SVEP1: variants seen among roughly 807,000 people sequenced by gnomAD.
The protein encoded by SVEP1 is sushi, von Willebrand factor type A, EGF and pentraxin domain-containing protein 1.
In SVEP1, 164 loss-of-function variants were observed where a neutral mutation model predicts 367.3. The ratio of observed to expected loss-of-function variants is 0.45; its 90% CI spans 0.39 to 0.51. The LOEUF (loss-of-function observed/expected upper bound fraction) is 0.51, where lower values mean the gene tolerates loss of function less well. Among genes scored for constraint, SVEP1 ranks in the 20% least tolerant of loss-of-function variants. The pLI, the probability that SVEP1 is intolerant of heterozygous loss-of-function variation, is 0.00. For synonymous variants in SVEP1, 1,666 were observed against 1,611.6 expected, an observed-to-expected ratio of 1.03 and a Z score of -0.81; for missense variants, 4,117 against 4,425.3, an observed-to-expected ratio of 0.93 and a Z score of 1.98.
In SVEP1 at chr9:110,496,825, G is replaced by C. The variant is rs1256485486; in HGVS notation, c.1790C>G (p.Ser597Cys). The change falls in exon 8 of 48, where the codon TCT (serine) becomes TGT (cysteine). Residue 597 changes from serine (S) to cysteine (C), a missense_variant. Ser to Cys is a moderately radical substitution (Grantham distance 112, BLOSUM62 -1). Coordinates refer to ENST00000374469, the MANE Select transcript of SVEP1 (RefSeq NM_153366.4). ...TTGCACAAACCTTACCTTTTCACCA[G>C]AGTTGTCTTTAGCTGTTGGAATCTG... ...TWQIPTAKDN[S>C]GEKVSVHVHP... The C allele has an allele frequency of 1.3e-6, 2 of 1,554,578 alleles. No homozygotes were observed. Among genetic ancestry groups the C allele is most frequent in the Middle Eastern group, 1.7e-4 (1 of 5,984 alleles).
chr9:110,395,777 G>A (rs1384543260), intron 40 of SVEP1, among the ~76,000 whole-genome samples: 1 of 151,816 alleles, frequency 6.6e-6, no homozygotes, highest in Non-Finnish European at 1.5e-5. Flanking sequence ...TAATGGTAAA[G>A]GGATCAATTC....
chr9:110,572,311 A>G (rs1830574016), intron 1 of SVEP1, among the ~76,000 whole-genome samples: 1 of 152,220 alleles, frequency 6.6e-6, no homozygotes, highest in South Asian at 2.1e-4. Flanking sequence ...AGGACAAAGC[A>G]GTTGGCTCTC....
chr9:110,466,151 G>T, intron 17 of SVEP1, 125 bp from the exon 18 acceptor site: 1 of 990,058 alleles, frequency 1.0e-6, no homozygotes, highest in East Asian at 2.6e-5. Flanking sequence ...GACCCAGAGA[G>T]CTCTTTCTCC....
Position 110,431,956 on chromosome 9 carries a change from G to A in SVEP1, c.5312C>T (p.Ser1771Leu). The A allele has an allele frequency of 6.2e-7, 1 of 1,613,654 alleles. No individual in the cohort carries two copies. Among genetic ancestry groups the A allele is most frequent in the Non-Finnish European group, 8.5e-7 (1 of 1,179,696 alleles). Reference protein sequence around the residue: ...CLNVDGSYICSCVPPYTGDGK... With the variant: ...CLNVDGSYICLCVPPYTGDGK... Reference sequence around the variant, plus strand: ...ATCTCCTGTGTACGGTGGGACACATGAACATATGTAGGATCCATCTACGTT... The same window carrying A: ...ATCTCCTGTGTACGGTGGGACACATAAACATATGTAGGATCCATCTACGTT... Residue 1771 changes from serine (S) to leucine (L), a missense_variant, in exon 32 of 48, where the codon TCA (serine) becomes TTA (leucine). By Grantham distance (145) the Ser-to-Leu change is moderately radical (BLOSUM62 -2). This residue lies in a region of SVEP1 where 2,174 missense variants were observed against 2,494.3 expected (regional missense o/e 0.87). Coordinates refer to ENST00000374469, the MANE Select transcript of SVEP1 (RefSeq NM_153366.4).
chr9:110,572,068 C>T (rs1830569571), intron 1 of SVEP1, among the ~76,000 whole-genome samples: 1 of 152,120 alleles, frequency 6.6e-6, no homozygotes, highest in Admixed American at 6.5e-5. Flanking sequence ...CCCTACTTCT[C>T]CTTAGCTTTT....
intron 30 of SVEP1, among the ~76,000 whole-genome samples, chr9:110,433,298 C>G (rs934902565): frequency 2.7e-4 from 37 of 138,848 alleles, no homozygotes; most frequent in Non-Finnish European, 1.1e-4. Context: ...GCTGGAGTTA[C>G]AGCAGTGAGC....
chr9:110,557,789 C>T (rs1830373289), intron 1 of SVEP1, among the ~76,000 whole-genome samples: 1 of 152,044 alleles, frequency 6.6e-6, no homozygotes, highest in South Asian at 2.1e-4. Flanking sequence ...TGATAACCCA[C>T]CCAAATGATC....
intron 47 of SVEP1, 44 bp downstream of exon 47, chr9:110,369,877 TAG>T (rs1416519740): frequency 1.3e-6 from 2 of 1,517,724 alleles, no homozygotes; most frequent in Non-Finnish European, 1.8e-6. Context: ...ACTTGAATTT[TAG>T]AGTCTTCATG....
chr9:110,427,302 CAAAAAAAAAAA>C (rs61616981), intron 36 of SVEP1, among the ~76,000 whole-genome samples: 2 of 81,936 alleles, frequency 2.4e-5, no homozygotes, highest in African/African-American at 9.4e-5. Context: ...GACTCTGTCT[CAAAAAAAAAAA>C]AAAAAAAAAA....
chr9:110,506,244 G>A (rs1829625194), intron 5 of SVEP1, among the ~76,000 whole-genome samples: 1 of 152,136 alleles, frequency 6.6e-6, no homozygotes, highest in Non-Finnish European at 1.5e-5. Flanking sequence ...TTGGTTCCAA[G>A]TCTTTGCTAT....
chr9:110,391,775 C>T (rs1827659128), intron 40 of SVEP1, among the ~76,000 whole-genome samples: 1 of 152,098 alleles, frequency 6.6e-6, no homozygotes, highest in African/African-American at 2.4e-5. Context: ...CCAGCTTAAA[C>T]ACTGCTTCTG....
intron 7 of SVEP1, among the ~76,000 whole-genome samples, chr9:110,498,769 A>G (rs1434428466): frequency 6.6e-6 from 1 of 152,056 alleles, no homozygotes; most frequent in African/African-American, 2.4e-5. Context: ...AGACTTCCCT[A>G]AAGATTTTAG....
At chr9:110,465,433 G>C (rs910272713) in intron 18 of SVEP1, among the ~76,000 whole-genome samples, 2 of 152,154 alleles carry the variant, frequency 1.3e-5, no homozygotes, top group Non-Finnish European at 2.9e-5. Context: ...CTGCCTGACT[G>C]AATAACTACT....
chr9:110,412,562 A>G (rs1245996637), intron 36 of SVEP1, among the ~76,000 whole-genome samples: 3 of 152,088 alleles, frequency 2.0e-5, no homozygotes, highest in Non-Finnish European at 4.4e-5. Context: ...ATTAAACTAA[A>G]GAGCTTCTGC....
At chr9:110,430,789 CCA>C (rs925163675) in intron 32 of SVEP1, among the ~76,000 whole-genome samples, 7 of 152,160 alleles carry the variant, frequency 4.6e-5, no homozygotes, top group Middle Eastern at 3.4e-3. Flanking sequence ...CTCTTCATAC[CCA>C]GTTTTTCAGA....
Position 110,385,898 on chromosome 9 carries a change from T to C in SVEP1, c.10237A>G (p.Lys3413Glu). The change falls in exon 43 of 48, where the codon AAA becomes GAA. Residue 3413 changes from lysine (K) to glutamate (E), a missense_variant and splice_region_variant. This residue lies in a region of SVEP1 where 1,765 missense variants were observed against 1,781.1 expected (regional missense o/e 0.99). Transcript: ENST00000374469. ...AACTGGCTTCCGCCTGCTGACTTAC[T>C]TTCACATTTGGCGCTTGTCTGTGTC... ...TWTQTSAKCE[K>E]ISCGPPAHVE... 4 of 1,611,838 alleles carry C rather than the reference T, an allele frequency of 2.5e-6. No homozygotes were observed. Among genetic ancestry groups the C allele is most frequent in the Non-Finnish European group, 3.4e-6 (4 of 1,178,986 alleles).
At chr9:110,457,607 A>G (rs555061919) in intron 20 of SVEP1, among the ~76,000 whole-genome samples, 6 of 152,312 alleles carry the variant, frequency 3.9e-5, no homozygotes, top group Admixed American at 1.3e-4. Flanking sequence ...ATGCTAGAAT[A>G]CAATTGATAT....
At chr9:110,372,034 A>T (rs1827285724) in intron 46 of SVEP1, among the ~76,000 whole-genome samples, 1 of 152,102 alleles carries the variant, frequency 6.6e-6, no homozygotes, top group African/African-American at 2.4e-5. Context: ...GTGTTTCCTG[A>T]TCGGATGCTG....
intron 1 of SVEP1, among the ~76,000 whole-genome samples, chr9:110,554,149 G>A (rs145182017): frequency 1.9e-4 from 29 of 152,012 alleles, no homozygotes; most frequent in Admixed American, 1.1e-3. Context: ...TACACCACCC[G>A]TCTCGGCTGC....
Sources: allele counts gnomAD v4.1 joint callset (sites outside exome capture counted in the v4.1 genomes callset), GRCh38; gene constraint gnomAD v4.1.1; regional missense constraint gnomAD v4.1.1; transcripts MANE v1.5; gene names NCBI Gene and HGNC (gene_info 2026-07-23, HGNC 2026-07-21).